Variants in GOLGA8B observed in about 807,000 individuals in gnomAD.
The protein encoded by GOLGA8B is golgin subfamily A member 8B.
A neutral mutation model predicts 15.6 loss-of-function variants in GOLGA8B; 1 was observed. The ratio of observed to expected loss-of-function variants is 0.06; its 90% CI spans 0.02 to 0.30. The LOEUF (loss-of-function observed/expected upper bound fraction) is 0.30. Ranked by LOEUF, GOLGA8B falls within the 10% of genes least tolerant of loss-of-function variation. The pLI, the probability that GOLGA8B is intolerant of heterozygous loss-of-function variation, is 1.00. For synonymous variants in GOLGA8B, 9 were observed against 80.3 expected, an observed-to-expected ratio of 0.11 and a Z score of 4.75; for missense variants, 17 against 201.3, an observed-to-expected ratio of 0.08 and a Z score of 5.54.
intron 1 of GOLGA8B, among the ~76,000 whole-genome samples, chr15:34,583,204 C>G (rs1005406111): frequency 2.9e-4 from 44 of 151,956 alleles, no homozygotes; most frequent in African/African-American, 9.2e-4. Flanking sequence ...GCCACTTGCC[C>G]GCGCCGAGAG....
chr15:34,570,615 A>C (rs1446932906), intron 1 of GOLGA8B, among the ~76,000 whole-genome samples: 2 of 125,104 alleles, frequency 1.6e-5, no homozygotes, highest in African/African-American at 5.6e-5. Context: ...AGGCATAAAT[A>C]ACAAAAAAGA....
chr15:34,556,724 C>T (rs1421468789), intron 1 of GOLGA8B: 1 of 1,248,974 alleles, frequency 8.0e-7, no homozygotes. Flanking sequence ...CGCTGAACCT[C>T]CTTCCCGAGG....
rs1888075527 is a variant in GOLGA8B, at chr15:34,527,120, T to C, written c.*512A>G. On this transcript the variant is annotated 3_prime_UTR_variant, in exon 24 of 24. Coordinates refer to ENST00000683415, the MANE Select transcript of GOLGA8B (RefSeq NM_001023567.5). ...CTAAGTGTCAGTACTCATAGTGGCA[T>C]ATTACAAAGTAATAAACAGTGCACA... 4.5e-6 allele frequency: 1 copy of C among 223,572 alleles called. No homozygotes were observed. The highest frequency in any genetic ancestry group is 8.8e-6 in the Non-Finnish European group (1 of 113,818). 13.8% of individuals were successfully genotyped at this position (223,572 alleles called of 1,614,324 possible).
At chr15:34,569,787 G>A (rs1167390543) in intron 1 of GOLGA8B, among the ~76,000 whole-genome samples, 37 of 151,048 alleles carry the variant, frequency 2.4e-4, no homozygotes, top group African/African-American at 7.3e-4. Flanking sequence ...AAGGAAGCAC[G>A]AGGAACTCAC....
intron 1 of GOLGA8B, among the ~76,000 whole-genome samples, chr15:34,567,014 G>C (rs1229867612): frequency 7.7e-5 from 9 of 116,800 alleles, no homozygotes; most frequent in Admixed American, 6.3e-4. Context: ...AGTGGCTCAG[G>C]TGCCCATTCA....
At chr15:34,556,982 G>A (rs1170910024) in intron 1 of GOLGA8B, among the ~76,000 whole-genome samples, 1 of 147,832 alleles carries the variant, frequency 6.8e-6, no homozygotes, top group Admixed American at 6.8e-5. Context: ...GACATGTTGC[G>A]TGGATGCTCC....
At chr15:34,570,239 G>C (rs1595709272) in intron 1 of GOLGA8B, among the ~76,000 whole-genome samples, 1 of 149,634 alleles carries the variant, frequency 6.7e-6, no homozygotes, top group East Asian at 2.0e-4. Flanking sequence ...CACCTGAGGA[G>C]ACCCTCTGAG....
At chr15:34,563,487 C>A (rs1354072654) in intron 1 of GOLGA8B, among the ~76,000 whole-genome samples, 24 of 148,814 alleles carry the variant, frequency 1.6e-4, no homozygotes, top group African/African-American at 5.9e-4. Flanking sequence ...TGCTTTGCTT[C>A]ATTAATTAAC....
chr15:34,579,918 C>T (rs140871073), intron 1 of GOLGA8B, among the ~76,000 whole-genome samples: 20 of 152,290 alleles, frequency 1.3e-4, no homozygotes, highest in South Asian at 4.1e-4. Context: ...CAAACAAGTA[C>T]ATAAATAACA....
At chr15:34,556,987 T>C (rs1252772780) in intron 1 of GOLGA8B, among the ~76,000 whole-genome samples, 1 of 147,506 alleles carries the variant, frequency 6.8e-6, no homozygotes, top group Non-Finnish European at 1.5e-5. Context: ...GTTGCGTGGA[T>C]GCTCCGGCCA....
intron 1 of GOLGA8B, among the ~76,000 whole-genome samples, chr15:34,564,911 C>T (rs1595707042): frequency 6.9e-6 from 1 of 144,002 alleles, no homozygotes; most frequent in East Asian, 2.0e-4. Context: ...ACACATGGCA[C>T]ATTTGTGGTT....
At chr15:34,577,762 CA>C (rs1366371259) in intron 1 of GOLGA8B, among the ~76,000 whole-genome samples, 1 of 152,132 alleles carries the variant, frequency 6.6e-6, no homozygotes, top group African/African-American at 2.4e-5. Context: ...AGAAAAGGCA[CA>C]AAGTTAAAAT....
chr15:34,528,145 CCCCCACCCCA>C lies in GOLGA8B; in HGVS notation c.1453+34_1453+43del, dbSNP rs1888125881. The stretch of plus-strand genomic sequence containing the variant: ...CACCCTCATGCCCACCCCACCCACA[CCCCCACCCCA>C]CCCCCACCCCCACAGGGATGTTGCA... On this transcript the variant is annotated intron_variant, in intron 22 of 23. Coordinates refer to ENST00000683415, the MANE Select transcript of GOLGA8B (RefSeq NM_001023567.5). The C allele has an allele frequency of 3.9e-4, 10 of 25,678 alleles. No homozygotes were observed. In the East Asian group the frequency reaches 0.012, roughly 30 times the overall value. 1.6% of individuals were successfully genotyped at this position (25,678 alleles called of 1,614,324 possible). A position where few individuals can be genotyped will look rare whatever the true frequency, so the allele number is the denominator to read the frequency against.
intron 1 of GOLGA8B, among the ~76,000 whole-genome samples, chr15:34,575,361 A>G (rs2433267): frequency 0.19 from 28,047 of 147,762 alleles, 3,345 homozygotes; most frequent in Admixed American, 0.29. Context: ...CCCTCAACAC[A>G]CCCCTGACCG....
rs542906543 is a variant in GOLGA8B, at chr15:34,581,928, G to C, written c.-1123+1588C>G. Among the ~76,000 whole-genome samples the C allele has an allele frequency of 2.7e-4, 41 of 152,308 alleles. No individual in the cohort carries two copies. In the East Asian group the frequency reaches 7.3e-3, roughly 27 times the overall value. On this transcript the variant is annotated intron_variant, in intron 1 of 23. Coordinates refer to ENST00000683415, the MANE Select transcript of GOLGA8B (RefSeq NM_001023567.5). ...CAAGGGCCCCCCAACAGTACTGCTA[G>C]AGCCCACCGAGGGCTGCCGGCACAC...
At position 34,527,283 on chromosome 15, in the gene GOLGA8B, C is replaced by T. The variant is rs757479859; in HGVS notation, c.*349G>A. ...ATGCTGCAATAACATTAAAAAAGCA[C>T]GGGAGCCTATTCCAAACCAGCGAGA... On this transcript the variant is annotated 3_prime_UTR_variant, in exon 24 of 24. Transcript: ENST00000683415. 2.8e-4 allele frequency: 100 copies of T among 362,682 alleles called. 7 individuals are homozygous for T. Among genetic ancestry groups the T allele is most frequent in the Admixed American group, 4.9e-4 (11 of 22,422 alleles). 22.5% of individuals were successfully genotyped at this position (362,682 alleles called of 1,614,324 possible). A position where few individuals can be genotyped will look rare whatever the true frequency, so the allele number is the denominator to read the frequency against.
chr15:34,573,459 C>A (rs1351618246), intron 1 of GOLGA8B, among the ~76,000 whole-genome samples: 3 of 149,750 alleles, frequency 2.0e-5, no homozygotes, highest in Admixed American at 1.4e-4. Flanking sequence ...ATGGCGTGAA[C>A]CCAGGAGGTG....
chr15:34,570,031 T>C (rs917202585), intron 1 of GOLGA8B, among the ~76,000 whole-genome samples: 3 of 152,146 alleles, frequency 2.0e-5, no homozygotes, highest in African/African-American at 4.8e-5. Flanking sequence ...GAGTCACACA[T>C]GCTGGCCCCA....
intron 1 of GOLGA8B, among the ~76,000 whole-genome samples, chr15:34,583,150 C>A (rs1889293569): frequency 6.6e-6 from 1 of 152,030 alleles, no homozygotes; most frequent in Admixed American, 6.5e-5. Context: ...ACCAGCGGCC[C>A]GGCCAGCCCA....
Sources: allele counts gnomAD v4.1 joint callset (sites outside exome capture counted in the v4.1 genomes callset), GRCh38; gene constraint gnomAD v4.1.1; transcripts MANE v1.5; gene names NCBI Gene and HGNC (gene_info 2026-07-23, HGNC 2026-07-21).